IDH1: variants seen among roughly 807,000 people sequenced by gnomAD.
IDH1 encodes isocitrate dehydrogenase (NADP(+)) 1.
Under a neutral mutation model 46.1 loss-of-function variants are expected in IDH1, and 33 were observed. The ratio of observed to expected loss-of-function variants is 0.72; its 90% CI spans 0.54 to 0.96. The LOEUF (loss-of-function observed/expected upper bound fraction) is 0.96, where lower values mean the gene tolerates loss of function less well. Ranked by LOEUF, IDH1 falls within the 40% of genes least tolerant of loss-of-function variation. The probability of loss-of-function intolerance (pLI) is 0.00; values close to 1 mark genes in which losing one functional copy is unlikely to be tolerated. For synonymous variants in IDH1, 144 were observed against 172.8 expected (o/e 0.83, Z 1.31); for missense variants, 421 against 515.7 (o/e 0.82, Z 1.78).
At chr2:208,246,358 A>T (rs1010891951) in intron 4 of IDH1, among the ~76,000 whole-genome samples, 1 of 152,162 alleles carries the variant, frequency 6.6e-6, no homozygotes, top group African/African-American at 2.4e-5. Flanking sequence ...GAGAAATACT[A>T]ATAACAACTG....
intron 9 of IDH1, among the ~76,000 whole-genome samples, chr2:208,237,496 A>C (rs1263975457): frequency 1.3e-5 from 2 of 152,128 alleles, no homozygotes; most frequent in Non-Finnish European, 2.9e-5. Context: ...AAATCATCAC[A>C]CTTCTTCCTC....
intron 1 of IDH1, chr2:208,254,196 G>A (rs538695310): frequency 6.6e-6 from 1 of 152,550 alleles, no homozygotes; most frequent in South Asian, 2.1e-4. Context: ...CCGTTAGCAG[G>A]TCTTGGGGTT....
At chr2:208,247,679 A>C (rs1001479841) in intron 4 of IDH1, 8 of 152,244 alleles carry the variant, frequency 5.3e-5, no homozygotes, top group African/African-American at 1.9e-4. Flanking sequence ...AATACTTTTC[A>C]TTTTTGTAGA....
At chr2:208,246,687 C>A (rs1019628243) in intron 4 of IDH1, among the ~76,000 whole-genome samples, 2 of 149,246 alleles carry the variant, frequency 1.3e-5, no homozygotes, top group African/African-American at 4.9e-5. Context: ...GCCTGTAATC[C>A]CAGCACTTTG....
In IDH1 at chr2:208,236,957, T is replaced by C; in HGVS notation, c.*122A>G. 1.5e-6 allele frequency: 1 copy of C among 659,788 alleles called. No individual in the cohort carries two copies. Among genetic ancestry groups the C allele is most frequent in the Non-Finnish European group, 2.7e-6 (1 of 370,778 alleles). 40.9% of individuals were successfully genotyped at this position (659,788 alleles called of 1,614,324 possible). On this transcript the variant is annotated 3_prime_UTR_variant, in exon 10 of 10. Coordinates refer to ENST00000345146, the MANE Select transcript of IDH1 (RefSeq NM_005896.4). ...CTGTAAACTTATAGAAAAGATAAAC[T>C]CTGGCTTCTAAACAAATTACAAAAT...
Position 208,239,902 on chromosome 2 carries a change from T to C in IDH1, c.952A>G (p.Met318Val), listed in dbSNP as rs1323843602. Residue 318 changes from methionine (M) to valine (V), a missense_variant, in exon 8 of 10, where the codon ATG (methionine) becomes GTG (valine). Transcript: ENST00000345146. Reference protein sequence around the residue: ...AHGTVTRHYRMYQKGQETSTN... With the variant: ...AHGTVTRHYRVYQKGQETSTN... ...GACGTCTCCTGTCCTTTCTGGTACA[T>C]GCGGTAGTGACGGGTTACAGTCCCG... 6.2e-7 allele frequency: 1 copy of C among 1,614,204 alleles called. No individual in the cohort carries two copies. Among genetic ancestry groups the C allele is most frequent in the Non-Finnish European group, 8.5e-7 (1 of 1,180,028 alleles).
intron 4 of IDH1, 37 bp from the exon 5 acceptor site, chr2:208,245,461 A>G: frequency 3.5e-6 from 4 of 1,127,226 alleles, no homozygotes; most frequent in Non-Finnish European, 5.4e-6. Flanking sequence ...GAAAAAAAAA[A>G]TACCCTAGCA....
Position 208,236,695 on chromosome 2 carries a change from A to G in IDH1, c.*384T>C. The G allele has an allele frequency of 3.3e-6, 1 of 298,940 alleles. No individual in the cohort carries two copies. Among genetic ancestry groups the G allele is most frequent in the South Asian group, 6.3e-5 (1 of 15,766 alleles). The allele number at this position is 298,940 out of a possible 1,614,324, so 18.5% of individuals were successfully genotyped here. On this transcript the variant is annotated 3_prime_UTR_variant, in exon 10 of 10. Transcript: ENST00000345146. ...GCCCAAGGTCATGGACAGGAGGGGA[A>G]GGCAGTGAATTTCTACTTTATGCAT...
chr2:208,250,059 C>A (rs928791777), intron 3 of IDH1, among the ~76,000 whole-genome samples: 2 of 151,628 alleles, frequency 1.3e-5, no homozygotes, highest in Non-Finnish European at 2.9e-5. Flanking sequence ...TGAAAAAGAA[C>A]CAGTCAGTGA....
At chr2:208,245,209 A>AC in intron 5 of IDH1, 110 bp downstream of exon 5, 4 of 703,742 alleles carry the variant, frequency 5.7e-6, no homozygotes, top group Non-Finnish European at 7.4e-6. Flanking sequence ...AACACTGTAG[A>AC]TTCAGATTAT....
At chr2:208,251,217 CTT>C (rs569764092) in intron 3 of IDH1, 40 of 387,760 alleles carry the variant, frequency 1.0e-4, no homozygotes, top group Non-Finnish European at 1.4e-4. Context: ...AGATTATATT[CTT>C]TTTTTTTTTC....
chr2:208,237,014 G>T lies in IDH1; in HGVS notation c.*65C>A. 1 of 895,696 alleles carries T rather than the reference G, an allele frequency of 1.1e-6. No homozygotes were observed. Among genetic ancestry groups the T allele is most frequent in the South Asian group, 1.4e-5 (1 of 70,572 alleles). The allele number at this position is 895,696 out of a possible 1,614,324, so 55.5% of individuals were successfully genotyped here. A position where few individuals can be genotyped will look rare whatever the true frequency, so the allele number is the denominator to read the frequency against. Reference sequence around the variant, plus strand: ...TGCCTTTATCCTTGAGTGTAACACAGAAAAATGTAAACCTGTAGACCTAGT... The same window carrying T: ...TGCCTTTATCCTTGAGTGTAACACATAAAAATGTAAACCTGTAGACCTAGT... On this transcript the variant is annotated 3_prime_UTR_variant, in exon 10 of 10. Transcript: ENST00000345146.
chr2:208,246,992 T>A (rs1427163928), intron 4 of IDH1, among the ~76,000 whole-genome samples: 1 of 152,114 alleles, frequency 6.6e-6, no homozygotes, highest in African/African-American at 2.4e-5. Flanking sequence ...ACGACTGAAC[T>A]GGAAAGAATC....
chr2:208,249,161 T>A (rs1250259749), intron 3 of IDH1, among the ~76,000 whole-genome samples: 2 of 152,066 alleles, frequency 1.3e-5, no homozygotes, highest in Non-Finnish European at 2.9e-5. Flanking sequence ...ACTACTTCAT[T>A]AATGCCAGTT....
At position 208,237,069 on chromosome 2, in the gene IDH1, A is replaced by G. The variant is rs2124843891; in HGVS notation, c.*10T>C. The G allele has an allele frequency of 6.8e-7, 1 of 1,472,940 alleles. No homozygotes were observed. The highest frequency in any genetic ancestry group is 1.1e-5 in the South Asian group (1 of 87,310). The allele number at this position is 1,472,940 out of a possible 1,614,324, so 91.2% of individuals were successfully genotyped here. On this transcript the variant is annotated 3_prime_UTR_variant, in exon 10 of 10. Transcript: ENST00000345146. ...AAAAGACAATTATCCTTCTTAGCTC[A>G]GGTATGAACTTAAAGTTTGGCCTGA...
At chr2:208,251,381 G>T in intron 3 of IDH1, 49 bp downstream of exon 3, 1 of 1,607,222 alleles carries the variant, frequency 6.2e-7, no homozygotes. Context: ...ACCATGCCCA[G>T]CCAGATTATC....
At chr2:208,245,244 CA>C (rs1476861061) in intron 5 of IDH1, 74 bp downstream of exon 5, 6 of 842,104 alleles carry the variant, frequency 7.1e-6, no homozygotes, top group Non-Finnish European at 9.8e-6. Flanking sequence ...ACATAACTAA[CA>C]AAAAAAGCAA....
At chr2:208,240,895 A>G (rs1206676170) in intron 7 of IDH1, among the ~76,000 whole-genome samples, 1 of 152,208 alleles carries the variant, frequency 6.6e-6, no homozygotes, top group Non-Finnish European at 1.5e-5. Flanking sequence ...TTATCTGGCA[A>G]AAAGTTATCT....
chr2:208,249,485 G>A (rs1359572114), intron 3 of IDH1, among the ~76,000 whole-genome samples: 1 of 152,186 alleles, frequency 6.6e-6, no homozygotes, highest in African/African-American at 2.4e-5. Context: ...CCAACACAAA[G>A]ATTGCAGGTC....
Sources: gnomAD v4.1 joint callset for allele counts (sites outside exome capture counted in the v4.1 genomes callset) on GRCh38, gnomAD v4.1.1 for gene constraint, MANE v1.5 for transcripts, NCBI Gene and HGNC (gene_info 2026-07-23, HGNC 2026-07-21) for gene names.